The following TENM1 variants were observed in gnomAD, a reference collection of about 807,000 sequenced individuals.
TENM1 encodes teneurin-1.
Under a neutral mutation model 174.8 loss-of-function variants are expected in TENM1, and 35 were observed. The ratio of observed to expected loss-of-function variants is 0.20; its 90% CI spans 0.15 to 0.27. TENM1 has a LOEUF of 0.27. Among genes scored for constraint, TENM1 ranks in the 10% least tolerant of loss-of-function variants. The pLI, the probability that TENM1 is intolerant of heterozygous loss-of-function variation, is 1.00. For missense variants in TENM1, 1,633 were observed against 2,130.1 expected, an observed-to-expected ratio of 0.77 and a Z score of 4.59; for synonymous variants, 781 against 798.7, an observed-to-expected ratio of 0.98 and a Z score of 0.37.
rs149621382 is a variant in TENM1 at position 124,816,370 on chromosome X, C to T, written c.535+77926G>A. On this transcript the variant is annotated intron_variant, in intron 3 of 31. Coordinates refer to ENST00000422452, the Ensembl canonical transcript of TENM1. The stretch of plus-strand genomic sequence containing the variant: ...CATGCATTTGTGTGTGTACTCACAC[C>T]ATATTCAAAGTATACAATAGTTCAA... Among the ~76,000 whole-genome samples the T allele has an allele frequency of 2.5e-3, 281 of 111,814 alleles. 2 individuals carry two copies. The highest frequency in any genetic ancestry group is 8.6e-3 in the African/African-American group (267 of 30,912).
At chrX:125,179,846 ACT>A in the TENM1 span, among the ~76,000 whole-genome samples, 1 of 106,455 alleles carries the variant, frequency 9.4e-6, no homozygotes, top group Admixed American at 1.0e-4. Context: ...TCACTGTTCA[ACT>A]CTGTCTCTTC....
chrX:124,833,416 C>A (rs767848495), intron 3 of TENM1, among the ~76,000 whole-genome samples: 1 of 111,966 alleles, frequency 8.9e-6, no homozygotes, highest in South Asian at 3.8e-4. Flanking sequence ...CTCTGTAGTC[C>A]ATTTCAGCTT....
chrX:124,897,156 C>T (rs1036950799), intron 1 of TENM1, among the ~76,000 whole-genome samples: 4 of 111,742 alleles, frequency 3.6e-5, no homozygotes, highest in African/African-American at 1.3e-4. Context: ...GCATGAATAT[C>T]AGGCATTCAG....
At chrX:124,464,962 C>T (rs1269891488) in intron 22 of TENM1, among the ~76,000 whole-genome samples, 3 of 111,538 alleles carry the variant, frequency 2.7e-5, no homozygotes, top group Non-Finnish European at 5.6e-5. Flanking sequence ...ATTTCCCTGT[C>T]TATTTTCCTC....
the TENM1 span, among the ~76,000 whole-genome samples, chrX:124,982,323 A>T: frequency 5.0e-4 from 55 of 109,911 alleles, no homozygotes; most frequent in African/African-American, 1.7e-3. Flanking sequence ...GTGAACTAAA[A>T]ATGTTCCACA....
At chrX:124,737,245 T>G in intron 3 of TENM1, 48 bp from the exon 7 acceptor site, 1 of 1,115,503 alleles carries the variant, frequency 9.0e-7, no homozygotes. Flanking sequence ...ACTCTCCCAC[T>G]TGGCAGTCAG....
chrX:125,202,686 G>C, the TENM1 span, among the ~76,000 whole-genome samples: 1 of 96,937 alleles, frequency 1.0e-5, no homozygotes, highest in South Asian at 6.2e-4. Flanking sequence ...CGACACAGAC[G>C]TGGAAACATC....
At chrX:124,790,605 AAAGTT>A (rs1391140727) in intron 3 of TENM1, among the ~76,000 whole-genome samples, 2 of 112,042 alleles carry the variant, frequency 1.8e-5, no homozygotes, top group East Asian at 5.6e-4. Flanking sequence ...TGAAAAAAGT[AAAGTT>A]AATGGAAAAG....
chrX:125,059,042 C>T, the TENM1 span, among the ~76,000 whole-genome samples: 1 of 109,837 alleles, frequency 9.1e-6, no homozygotes, highest in Non-Finnish European at 1.9e-5. Context: ...AGTCACTTCT[C>T]CTTTCCTGCT....
intron 25 of TENM1, among the ~76,000 whole-genome samples, chrX:124,412,487 C>T (rs1185931853): frequency 8.9e-6 from 1 of 112,139 alleles, no homozygotes; most frequent in African/African-American, 3.2e-5. Flanking sequence ...GCTCCCACAC[C>T]TTTGCTTTAA....
intron 4 of TENM1, among the ~76,000 whole-genome samples, chrX:124,723,703 C>T (rs1390437343): frequency 4.7e-5 from 5 of 106,461 alleles, no homozygotes; most frequent in African/African-American, 6.9e-5. Flanking sequence ...CGGGTTCCAG[C>T]GATTCTCCAG....
At chrX:125,102,013 A>G in the TENM1 span, among the ~76,000 whole-genome samples, 1 of 112,016 alleles carries the variant, frequency 8.9e-6, no homozygotes, top group Admixed American at 9.5e-5. Context: ...TGGGGAAGGT[A>G]TAACACCATA....
intron 4 of TENM1, among the ~76,000 whole-genome samples, chrX:124,735,982 A>G (rs778705863): frequency 1.8e-5 from 2 of 111,254 alleles, no homozygotes; most frequent in Non-Finnish European, 3.8e-5. Context: ...ATTGGGTACA[A>G]TGTTCACCCT....
At chrX:124,600,502 T>A (rs1231654029) in intron 11 of TENM1, among the ~76,000 whole-genome samples, 2 of 111,503 alleles carry the variant, frequency 1.8e-5, no homozygotes, top group African/African-American at 6.5e-5. Context: ...ACAAAACACT[T>A]CTTAATTACA....
chrX:124,437,659 T>C (rs1357448543), intron 23 of TENM1, among the ~76,000 whole-genome samples: 1 of 112,025 alleles, frequency 8.9e-6, no homozygotes, highest in Non-Finnish European at 1.9e-5. Context: ...TTAACAGTAA[T>C]ACATTAGATA....
exon 27 of TENM1, chrX:124,405,262 A>G: frequency 8.3e-7 from 1 of 1,198,063 alleles, no homozygotes. Flanking sequence ...TACTTTGAGT[A>G]TTTTCTGTAG....
At chrX:124,479,582 C>T (rs1236237160) in intron 22 of TENM1, among the ~76,000 whole-genome samples, 1 of 111,224 alleles carries the variant, frequency 9.0e-6, no homozygotes, top group Non-Finnish European at 1.9e-5. Flanking sequence ...TTTATTACTG[C>T]TGCTTTCCAA....
chrX:125,070,531 T>A, the TENM1 span, among the ~76,000 whole-genome samples: 2 of 111,583 alleles, frequency 1.8e-5, no homozygotes, highest in Non-Finnish European at 3.8e-5. Context: ...CTAACTTCAC[T>A]TTCTGGAGAA....
intron 23 of TENM1, among the ~76,000 whole-genome samples, chrX:124,451,554 G>A (rs1450643783): frequency 1.8e-5 from 2 of 111,871 alleles, no homozygotes; most frequent in South Asian, 3.7e-4. Context: ...AAAAGAGCCC[G>A]CATTGTCAAG....
Sources: allele counts gnomAD v4.1 joint callset (sites outside exome capture counted in the v4.1 genomes callset), GRCh38; gene constraint gnomAD v4.1.1; transcripts MANE v1.5; gene names NCBI Gene and HGNC (gene_info 2026-07-23, HGNC 2026-07-21).